METTL15: variants seen among roughly 807,000 people sequenced by gnomAD.
METTL15 encodes methyltransferase 15, mitochondrial 12S rRNA N4-cytidine, also known as 12S rRNA N(4)-cytidine methyltransferase METTL15.
A neutral mutation model predicts 38.3 loss-of-function variants in METTL15; 34 were observed. The observed-to-expected ratio is 0.89, with a 90% CI of 0.68 to 1.18. METTL15 has a LOEUF of 1.18. Among genes scored for constraint, METTL15 ranks in the 50% most tolerant of loss-of-function variants. METTL15 has a pLI of 0.00. For synonymous variants in METTL15, 162 were observed against 170.9 expected (o/e 0.95, Z 0.41); for missense variants, 438 against 498.4 (o/e 0.88, Z 1.15).
chr11:28,354,342 G>T (rs939602006), intron 4 of METTL15, among the ~76,000 whole-genome samples: 3 of 152,198 alleles, frequency 2.0e-5, no homozygotes, highest in Non-Finnish European at 2.9e-5. Flanking sequence ...CATATTGGGG[G>T]AGAGGAGAAT....
intron 6 of METTL15, among the ~76,000 whole-genome samples, chr11:28,301,396 A>G (rs140173714): frequency 6.6e-6 from 1 of 152,082 alleles, no homozygotes; most frequent in Non-Finnish European, 1.5e-5. Flanking sequence ...ATGGTCTCCT[A>G]TGTGCTACCA....
chr11:28,509,821 G>A (rs1156860021), intron 6 of METTL15, among the ~76,000 whole-genome samples: 1 of 152,074 alleles, frequency 6.6e-6, no homozygotes, highest in East Asian at 1.9e-4. Flanking sequence ...TTGCATTTCA[G>A]GTGTTTTCCT....
At chr11:28,428,448 G>A (rs1850883914) in intron 6 of METTL15, among the ~76,000 whole-genome samples, 1 of 152,228 alleles carries the variant, frequency 6.6e-6, no homozygotes, top group Admixed American at 6.5e-5. Context: ...GATAACTCAT[G>A]CCAAGCACTT....
Position 28,365,199 on chromosome 11 carries a change from A to C in METTL15, c.*358+3163A>C, listed in dbSNP as rs1393205254. Among the ~76,000 whole-genome samples, 4 of 152,244 alleles carry C rather than the reference A, an allele frequency of 2.6e-5. No homozygotes were observed. The East Asian group carries it at 7.7e-4, about 29-fold the overall frequency. On this transcript the variant is annotated intron_variant and NMD_transcript_variant, in intron 5 of 7. Coordinates refer to the METTL15 transcript ENST00000532947. The stretch of plus-strand genomic sequence containing the variant: ...AGGATGATGCTGGCTTCATAGAATG[A>C]GTTAGCGAGAAACCCTTTTTCCTTG...
At chr11:28,373,579 C>T (rs1372340013) in intron 5 of METTL15, among the ~76,000 whole-genome samples, 2 of 152,102 alleles carry the variant, frequency 1.3e-5, no homozygotes, top group Non-Finnish European at 2.9e-5. Context: ...CCTGTTCACT[C>T]TGATGGTAGT....
chr11:28,133,602 G>C lies in METTL15; in HGVS notation c.270+19998G>C, dbSNP rs74694261. Among the ~76,000 whole-genome samples, 642 of 152,136 alleles carry C rather than the reference G, an allele frequency of 4.2e-3. 6 individuals are homozygous for C. Among genetic ancestry groups the C allele is most frequent in the African/African-American group, 0.015 (618 of 41,506 alleles). ...AGGGGAAGTCATAAAATAAATTTTG[G>C]CTTCTTCCATGCTGTCTTTTGGATT... is the stretch of plus-strand genomic sequence containing the variant. On this transcript the variant is annotated intron_variant, in intron 3 of 6. Transcript: ENST00000407364.
chr11:28,482,657 G>A (rs535123012), intron 6 of METTL15, among the ~76,000 whole-genome samples: 196 of 152,198 alleles, frequency 1.3e-3, no homozygotes, highest in Non-Finnish European at 2.5e-3. Context: ...AGTAGATAAT[G>A]TGCCACTGAC....
rs924762753 is a variant in METTL15, at chr11:28,287,826, C to G, written c.408-2380C>G. 3.2e-4 allele frequency among the ~76,000 whole-genome samples: 49 copies of G among 152,018 alleles called. 1 individual carries two copies. Among genetic ancestry groups the G allele is most frequent in the Non-Finnish European group, 5.9e-5 (4 of 68,012 alleles). ...CCTCATTAGCAGGTTCAATTCCTGC[C>G]AGCTCAAGGGATTATCCAAACAAGC... On this transcript the variant is annotated intron_variant, in intron 4 of 6. Transcript: ENST00000407364.
intron 3 of METTL15, among the ~76,000 whole-genome samples, chr11:28,205,465 C>T (rs1052742079): frequency 1.3e-5 from 2 of 152,046 alleles, no homozygotes; most frequent in Non-Finnish European, 2.9e-5. Flanking sequence ...CATAGTATTC[C>T]ATGGTGTATA....
At chr11:28,501,335 T>C (rs567521586) in intron 6 of METTL15, among the ~76,000 whole-genome samples, 35 of 152,286 alleles carry the variant, frequency 2.3e-4, no homozygotes, top group African/African-American at 7.5e-4. Context: ...AATTTCCTTA[T>C]AGGTAATCTA....
At chr11:28,117,723 A>G (rs192094334) in intron 3 of METTL15, among the ~76,000 whole-genome samples, 133 of 152,252 alleles carry the variant, frequency 8.7e-4, no homozygotes, top group Middle Eastern at 6.8e-3. Context: ...CTTAGAGACA[A>G]TGTTATTTCT....
intron 4 of METTL15, among the ~76,000 whole-genome samples, chr11:28,223,083 C>T (rs1239375517): frequency 5.3e-5 from 8 of 152,094 alleles, no homozygotes; most frequent in Non-Finnish European, 1.2e-4. Flanking sequence ...ATATAAAACA[C>T]ATAATCTTCT....
chr11:28,168,183 A>G (rs762963518), intron 3 of METTL15, among the ~76,000 whole-genome samples: 3 of 151,964 alleles, frequency 2.0e-5, no homozygotes, highest in Non-Finnish European at 4.4e-5. Context: ...GAACACTTCT[A>G]TATTCAGGCA....
At chr11:28,277,455 T>G (rs921603343) in intron 4 of METTL15, among the ~76,000 whole-genome samples, 5 of 152,146 alleles carry the variant, frequency 3.3e-5, no homozygotes, top group Admixed American at 2.0e-4. Flanking sequence ...CCCAGCACTT[T>G]GGGAGGCCGA....
intron 4 of METTL15, among the ~76,000 whole-genome samples, chr11:28,219,873 G>C (rs1301686481): frequency 6.6e-6 from 1 of 152,122 alleles, no homozygotes; most frequent in Non-Finnish European, 1.5e-5. Context: ...GAGTGGTTTT[G>C]AGTGAGTTTC....
At chr11:28,118,612 T>C (rs1852075048) in intron 3 of METTL15, among the ~76,000 whole-genome samples, 1 of 152,152 alleles carries the variant, frequency 6.6e-6, no homozygotes, top group African/African-American at 2.4e-5. Context: ...TTCTGCTTAG[T>C]TTAAGATGGT....
intron 6 of METTL15, among the ~76,000 whole-genome samples, chr11:28,488,207 G>A (rs1851453633): frequency 6.6e-6 from 1 of 152,034 alleles, no homozygotes; most frequent in South Asian, 2.1e-4. Context: ...ACCAATTAAA[G>A]CAAAATTACT....
chr11:28,285,509 A>AT (rs1335873944), intron 4 of METTL15, among the ~76,000 whole-genome samples: 2 of 152,146 alleles, frequency 1.3e-5, no homozygotes, highest in Non-Finnish European at 2.9e-5. Flanking sequence ...AAAGAACATG[A>AT]TAGCTATAGT....
At chr11:28,436,285 T>C (rs1003831669) in intron 6 of METTL15, among the ~76,000 whole-genome samples, 2 of 152,234 alleles carry the variant, frequency 1.3e-5, no homozygotes, top group African/African-American at 4.8e-5. Flanking sequence ...CTTTTAAGTT[T>C]TAGTTATGAC....
Sources: gnomAD v4.1 joint callset for allele counts (sites outside exome capture counted in the v4.1 genomes callset) on GRCh38, gnomAD v4.1.1 for gene constraint, MANE v1.5 for transcripts, NCBI Gene and HGNC (gene_info 2026-07-23, HGNC 2026-07-21) for gene names.